CCDC198: variants seen among roughly 807,000 people sequenced by gnomAD.
The protein encoded by CCDC198 is factor associated with metabolism and energy.
Under a neutral mutation model 35.6 loss-of-function variants are expected in CCDC198, and 18 were observed. The ratio of observed to expected loss-of-function variants is 0.51; its 90% confidence interval spans 0.35 to 0.75. CCDC198 has a LOEUF of 0.75. Ranked by LOEUF, CCDC198 falls within the 30% of genes least tolerant of loss-of-function variation. The pLI is 0.01. For missense variants in CCDC198, 365 were observed against 343.7 expected (o/e 1.06, Z -0.49); for synonymous variants, 119 against 113.4 (o/e 1.05, Z -0.31).
intron 2 of CCDC198, among the ~76,000 whole-genome samples, chr14:57,486,659 G>A (rs984977478): frequency 6.6e-6 from 1 of 151,978 alleles, no homozygotes; most frequent in Non-Finnish European, 1.5e-5. Context: ...AATAGACTAC[G>A]GAGGATTTTT....
intron 5 of CCDC198, among the ~76,000 whole-genome samples, chr14:57,473,219 A>G (rs983651567): frequency 1.3e-5 from 2 of 152,216 alleles, no homozygotes; most frequent in African/African-American, 4.8e-5. Flanking sequence ...GAATACTATT[A>G]TAATGATTGT....
chr14:57,478,264 C>G (rs2067067318), intron 5 of CCDC198, among the ~76,000 whole-genome samples: 1 of 152,124 alleles, frequency 6.6e-6, no homozygotes, highest in Admixed American at 6.6e-5. Flanking sequence ...CAAAGCTGTC[C>G]TTGACAGAGT....
chr14:57,472,809 C>G (rs1238126574), intron 5 of CCDC198, among the ~76,000 whole-genome samples: 1 of 152,136 alleles, frequency 6.6e-6, no homozygotes, highest in Non-Finnish European at 1.5e-5. Context: ...GAGCTTTGTT[C>G]AAGGAAAGCT....
chr14:57,478,521 C>A (rs752558739), intron 5 of CCDC198: 1 of 986,786 alleles, frequency 1.0e-6, no homozygotes, highest in Non-Finnish European at 1.2e-6. Context: ...AGGAAAACCC[C>A]TTTCTCCATG....
intron 4 of CCDC198, among the ~76,000 whole-genome samples, 162 bp downstream of exon 4, chr14:57,481,397 T>C (rs1218227441): frequency 2.0e-5 from 3 of 152,330 alleles, no homozygotes; most frequent in African/African-American, 7.2e-5. Flanking sequence ...GCAGAAGGAA[T>C]CTTCCTGATT....
At chr14:57,478,424 A>C (rs2067072837) in intron 5 of CCDC198, 2 of 978,948 alleles carry the variant, frequency 2.0e-6, no homozygotes, top group African/African-American at 3.5e-5. Flanking sequence ...TATTAAAGGC[A>C]AACCACAGTA....
Position 57,487,164 on chromosome 14 carries a change from A to G in CCDC198, c.306+3825T>C, listed in dbSNP as rs182697823. On this transcript the variant is annotated intron_variant, in intron 2 of 5. Coordinates refer to ENST00000216445, the MANE Select transcript of CCDC198 (RefSeq NM_018168.4). ...CTTCATCATCTTCAAAGAGAACACA[A>G]TGGAAGGAACTACCAGAGAATCGGT... Among the ~76,000 whole-genome samples, 552 of 152,306 alleles carry G rather than the reference A, an allele frequency of 3.6e-3. 15 individuals are homozygous for G. The highest frequency in any genetic ancestry group is 0.03 in the Admixed American group (453 of 15,280).
Position 57,490,988 on chromosome 14 carries a change from C to T in CCDC198, c.306+1G>A, listed in dbSNP as rs771358847. On this transcript the variant is annotated splice_donor_variant, in intron 2 of 5. Coordinates refer to ENST00000216445, the MANE Select transcript of CCDC198 (RefSeq NM_018168.4). LOFTEE classifies it high-confidence loss of function. The stretch of plus-strand genomic sequence containing the variant: ...TATGAAGCCTTTTAAATTCATCTTA[C>T]TTGAAGTCTTTGGGGTGGATGCCTT... 3.0e-5 allele frequency: 47 copies of T among 1,573,550 alleles called. No homozygotes were observed. Among genetic ancestry groups the T allele is most frequent in the Non-Finnish European group, 3.7e-5 (42 of 1,143,954 alleles).
intron 5 of CCDC198, among the ~76,000 whole-genome samples, chr14:57,472,590 C>G (rs1039348598): frequency 2.6e-5 from 4 of 152,120 alleles, no homozygotes; most frequent in African/African-American, 7.2e-5. Flanking sequence ...CCTGTTGCAG[C>G]CTTTTAGAAA....
At chr14:57,479,291 T>C (rs1433066424) in intron 5 of CCDC198, among the ~76,000 whole-genome samples, 1 of 152,190 alleles carries the variant, frequency 6.6e-6, no homozygotes, top group African/African-American at 2.4e-5. Context: ...CCTTGTTATG[T>C]TGGCCAGGCT....
rs2067182503 is a variant in CCDC198 at position 57,481,460 on chromosome 14, C to G, written c.495+99G>C. The G allele has an allele frequency of 8.9e-6, 7 of 785,148 alleles. No individual in the cohort carries two copies. In the Admixed American group the frequency reaches 1.7e-4, roughly 19 times the overall value. 48.6% of individuals were successfully genotyped at this position (785,148 alleles called of 1,614,324 possible). On this transcript the variant is annotated intron_variant, in intron 4 of 5. Coordinates refer to ENST00000216445, the MANE Select transcript of CCDC198 (RefSeq NM_018168.4). ...AACCTCAATGACGAAATTTAAAATG[C>G]TAAGTAAAGACTGGCTATCTATGCT... is the stretch of plus-strand genomic sequence containing the variant.
At chr14:57,491,101 A>G in intron 1 of CCDC198, 30 bp from the exon 2 acceptor site, 1 of 1,600,898 alleles carries the variant, frequency 6.2e-7, no homozygotes, top group Non-Finnish European at 8.5e-7. Flanking sequence ...AACAGGAATA[A>G]AACATTAAAT....
chr14:57,493,314 G>C (rs1249336424), intron 1 of CCDC198, among the ~76,000 whole-genome samples, 179 bp downstream of exon 1: 5 of 152,100 alleles, frequency 3.3e-5, no homozygotes, highest in Admixed American at 3.3e-4. Context: ...AATGAACCCA[G>C]AATACTTTCA....
intron 2 of CCDC198, among the ~76,000 whole-genome samples, chr14:57,484,321 C>G (rs535144707): frequency 6.6e-6 from 1 of 152,132 alleles, no homozygotes; most frequent in Non-Finnish European, 1.5e-5. Context: ...CACACACAGG[C>G]AGGACACGAT....
intron 1 of CCDC198, 150 bp downstream of exon 1, chr14:57,493,343 T>C (rs757871280): frequency 7.5e-6 from 5 of 667,164 alleles, no homozygotes; most frequent in Non-Finnish European, 1.0e-5. Context: ...TCAATCCTCA[T>C]TGAAAGATTT....
chr14:57,484,456 G>A (rs940584057), intron 2 of CCDC198, among the ~76,000 whole-genome samples: 3 of 152,210 alleles, frequency 2.0e-5, no homozygotes, highest in Admixed American at 6.5e-5. Context: ...AGGCCTCACA[G>A]GGAACCAACC....
At chr14:57,484,664 G>GT (rs963628615) in intron 2 of CCDC198, among the ~76,000 whole-genome samples, 4 of 152,216 alleles carry the variant, frequency 2.6e-5, no homozygotes, top group African/African-American at 9.7e-5. Context: ...AAAGAAATTG[G>GT]TTGGCTGCAG....
intron 2 of CCDC198, among the ~76,000 whole-genome samples, chr14:57,485,426 T>C (rs2067328888): frequency 6.6e-6 from 1 of 152,154 alleles, no homozygotes. Flanking sequence ...TGAGCCCTAC[T>C]CCCACCTTAG....
At chr14:57,484,628 G>A (rs550018959) in intron 2 of CCDC198, among the ~76,000 whole-genome samples, 6 of 152,324 alleles carry the variant, frequency 3.9e-5, no homozygotes, top group African/African-American at 1.4e-4. Flanking sequence ...GAGGTGGGGA[G>A]TGATCATGAT....
Sources: allele counts gnomAD v4.1 joint callset (sites outside exome capture counted in the v4.1 genomes callset), GRCh38; gene constraint gnomAD v4.1.1; transcripts MANE v1.5; gene names NCBI Gene and HGNC (gene_info 2026-07-23, HGNC 2026-07-21).